Variants in CLN6 observed in about 807,000 individuals in gnomAD.
The protein encoded by CLN6 is ceroid-lipofuscinosis neuronal protein 6.
A neutral mutation model predicts 33.3 loss-of-function variants in CLN6; 22 were observed. That is an observed-to-expected ratio of 0.66 (90% CI 0.47 to 0.94). The LOEUF (loss-of-function observed/expected upper bound fraction) is 0.94. Among genes scored for constraint, CLN6 ranks in the 40% least tolerant of loss-of-function variants. CLN6 has a pLI of 0.00. For missense variants in CLN6, 387 were observed against 417.1 expected (o/e 0.93, Z 0.63); for synonymous variants, 201 against 174.6 (o/e 1.15, Z -1.19).
chr15:68,229,809 T>G (rs1229793022), upstream of CLN6: 32 of 171,568 alleles, frequency 1.9e-4, 1 homozygote, highest in South Asian at 3.7e-3. Flanking sequence ...CGGGGCGGGC[T>G]CCGCTAGGGG....
Position 68,220,215 on chromosome 15 carries a change from C to T in CLN6, c.84-1565G>A, listed in dbSNP as rs923916124. ...GCTAAGTCTTCCTGTCCCCTCTACT[C>T]GGTATCTTCCACCCCCTCACTGAAC... On this transcript the variant is annotated intron_variant, in intron 1 of 6. Coordinates refer to ENST00000249806, the MANE Select transcript of CLN6 (RefSeq NM_017882.3). This position sits in a 1 kb window ranked among gnomAD's most constrained non-coding sequence, Gnocchi z 4.2. Among the ~76,000 whole-genome samples, 1 of 152,184 alleles carries T rather than the reference C, an allele frequency of 6.6e-6. No individual in the cohort carries two copies. Among genetic ancestry groups the T allele is most frequent in the Non-Finnish European group, 1.5e-5 (1 of 68,042 alleles).
intron 1 of CLN6, among the ~76,000 whole-genome samples, chr15:68,235,631 T>G (rs1892214058): frequency 8.7e-6 from 1 of 114,946 alleles, no homozygotes; most frequent in African/African-American, 3.3e-5. Context: ...TATATATATA[T>G]ATCGATTAAT....
At chr15:68,254,308 G>GT (rs1892410407) in intron 1 of CLN6, among the ~76,000 whole-genome samples, 1 of 152,176 alleles carries the variant, frequency 6.6e-6, no homozygotes, top group Non-Finnish European at 1.5e-5. Context: ...GCATGAGCAG[G>GT]TAATGTTCTC....
upstream of CLN6, among the ~76,000 whole-genome samples, chr15:68,232,579 C>T (rs956007716): frequency 3.3e-5 from 5 of 152,226 alleles, no homozygotes; most frequent in East Asian, 1.9e-4. This position sits in a 1 kb window ranked among gnomAD's most constrained non-coding sequence, Gnocchi z 4.7. Flanking sequence ...AAGTCAACTG[C>T]ACCTCCTCTC....
Position 68,229,646 on chromosome 15 carries a change from C to T in CLN6, c.-62G>A, listed in dbSNP as rs957429372. 5 of 1,319,426 alleles carry T rather than the reference C, an allele frequency of 3.8e-6. No homozygotes were observed. The African/African-American group carries it at 7.7e-5, about 20-fold the overall frequency. 81.7% of individuals were successfully genotyped at this position (1,319,426 alleles called of 1,614,324 possible). A position where few individuals can be genotyped will look rare whatever the true frequency, so the allele number is the denominator to read the frequency against. On this transcript the variant is annotated 5_prime_UTR_variant, in exon 1 of 7. Coordinates refer to ENST00000249806, the MANE Select transcript of CLN6 (RefSeq NM_017882.3). ...GGAAGAGACCGGTTCAGCTCGGCTGCCCCGGCGGAGGCCGCCGCAAATTCC... is the reference window on the plus strand; with the variant it reads ...GGAAGAGACCGGTTCAGCTCGGCTGTCCCGGCGGAGGCCGCCGCAAATTCC...
chr15:68,248,808 C>T (rs1050747679), intron 1 of CLN6, among the ~76,000 whole-genome samples: 5 of 152,094 alleles, frequency 3.3e-5, no homozygotes, highest in African/African-American at 1.2e-4. Context: ...AACGGGATTA[C>T]ATCAAGCTAA....
At chr15:68,223,468 G>C (rs916509393) in intron 1 of CLN6, among the ~76,000 whole-genome samples, 5 of 152,200 alleles carry the variant, frequency 3.3e-5, no homozygotes, top group Admixed American at 2.0e-4. Flanking sequence ...TCAAAAAGCA[G>C]AGAGTGATAA....
At position 68,210,860 on chromosome 15, in the gene CLN6, C is replaced by A. The variant is rs1043067723; in HGVS notation, c.542+403G>T. Among the ~76,000 whole-genome samples the A allele has an allele frequency of 2.6e-5, 4 of 152,168 alleles. No homozygotes were observed. Among genetic ancestry groups the A allele is most frequent in the African/African-American group, 9.7e-5 (4 of 41,444 alleles). Reference sequence around the variant, plus strand: ...GAGCAGGCCCGACACGGGTGGGGGTCCCTGGCTGTGCCCCCACCCCCTGCC... The same window carrying A: ...GAGCAGGCCCGACACGGGTGGGGGTACCTGGCTGTGCCCCCACCCCCTGCC... On this transcript the variant is annotated intron_variant, in intron 5 of 6. Coordinates refer to ENST00000249806, the MANE Select transcript of CLN6 (RefSeq NM_017882.3). The surrounding 1 kb of genome is among the most constrained non-coding windows in gnomAD (Gnocchi z 5.6).
At chr15:68,213,589 G>C (rs2093212205) in intron 3 of CLN6, 1 of 151,304 alleles carries the variant, frequency 6.6e-6, no homozygotes. Context: ...ATGTTGGCCA[G>C]GCTCCTGACC....
chr15:68,226,335 AAG>A (rs965591584), intron 1 of CLN6, among the ~76,000 whole-genome samples: 7 of 152,050 alleles, frequency 4.6e-5, no homozygotes, highest in Non-Finnish European at 8.8e-5. Context: ...AAAAAAAAAA[AAG>A]AGTCTGGACT....
chr15:68,214,852 G>A (rs1468768257), intron 2 of CLN6: 1 of 233,884 alleles, frequency 4.3e-6, no homozygotes, highest in Non-Finnish European at 8.6e-6. Flanking sequence ...TCGGGTTCTG[G>A]CGCTCCTGAG....
chr15:68,228,109 C>A lies in CLN6; in HGVS notation c.83+1393G>T, dbSNP rs1051674960. 6.6e-6 allele frequency among the ~76,000 whole-genome samples: 1 copy of A among 152,210 alleles called. No individual in the cohort carries two copies. Among genetic ancestry groups the A allele is most frequent in the Non-Finnish European group, 1.5e-5 (1 of 68,036 alleles). On this transcript the variant is annotated intron_variant, in intron 1 of 6. Transcript: ENST00000249806. This position sits in a 1 kb window ranked among gnomAD's most constrained non-coding sequence, Gnocchi z 4.4. Reference sequence around the variant, plus strand: ...CATCAGTAAAATAATACTTAACTCACAGGCCGAGGGAGACAGGTGAGCTAC... The same window carrying A: ...CATCAGTAAAATAATACTTAACTCAAAGGCCGAGGGAGACAGGTGAGCTAC...
chr15:68,229,751 G>C (rs1247931916), upstream of CLN6: 1 of 360,124 alleles, frequency 2.8e-6, no homozygotes, highest in Non-Finnish European at 4.5e-6. Context: ...ACCCGGGGCG[G>C]GGCGGAGCGG....
In CLN6 at chr15:68,246,983, CT is replaced by C. The variant is rs1048096513; in HGVS notation, c.179+9706del. On this transcript the variant is annotated intron_variant, in intron 1 of 6. Transcript: ENST00000538696. The surrounding 1 kb of genome is among the most constrained non-coding windows in gnomAD (Gnocchi z 4.5). ...CCAGCCTGGCCAACATATTAAAACCCTGTCTCTATTAAAAATACAAAAATTA... is the reference window on the plus strand; with the variant it reads ...CCAGCCTGGCCAACATATTAAAACCCGTCTCTATTAAAAATACAAAAATTA... Among the ~76,000 whole-genome samples, 26 of 152,154 alleles carry C rather than the reference CT, an allele frequency of 1.7e-4. No individual in the cohort carries two copies. The highest frequency in any genetic ancestry group is 5.8e-4 in the African/African-American group (24 of 41,456).
Position 68,207,979 on chromosome 15 carries a change from GACAC to G in CLN6, c.*157_*160del, listed in dbSNP as rs3837692. 299,595 of 630,806 alleles carry G rather than the reference GACAC, an allele frequency of 0.47. 63,598 individuals carry two copies. The highest frequency in any genetic ancestry group is 0.53 in the Non-Finnish European group (191,211 of 357,412). 39.1% of individuals were successfully genotyped at this position (630,806 alleles called of 1,614,324 possible). A position where few individuals can be genotyped will look rare whatever the true frequency, so the allele number is the denominator to read the frequency against. On this transcript the variant is annotated 3_prime_UTR_variant, in exon 7 of 7. Coordinates refer to ENST00000249806, the MANE Select transcript of CLN6 (RefSeq NM_017882.3). ...ATGCACTCTGCGCACACATATACAA[GACAC>G]ACACACACACACACACGAATCCACG...
rs2093230328 is a variant in CLN6, at chr15:68,219,744, C to CA, written c.84-1095dup. Among the ~76,000 whole-genome samples, 1 of 152,200 alleles carries CA rather than the reference C, an allele frequency of 6.6e-6. No individual in the cohort carries two copies. Among genetic ancestry groups the CA allele is most frequent in the Admixed American group, 6.5e-5 (1 of 15,286 alleles). On this transcript the variant is annotated intron_variant, in intron 1 of 6. Transcript: ENST00000249806. The surrounding 1 kb of genome is among the most constrained non-coding windows in gnomAD (Gnocchi z 4.2). ...TCTCCCAACTCACCCACCTCCCTAT[C>CA]AGAGTCCAAATCCTCTTTACAGAGT...
At chr15:68,243,958 G>A (rs1327597514) in intron 1 of CLN6, among the ~76,000 whole-genome samples, 5 of 150,786 alleles carry the variant, frequency 3.3e-5, no homozygotes, top group East Asian at 2.0e-4. Context: ...CCAGCTACTC[G>A]GGAGGCTGAG....
intron 1 of CLN6, among the ~76,000 whole-genome samples, chr15:68,221,442 G>C (rs1175047012): frequency 7.9e-5 from 12 of 151,990 alleles, no homozygotes; most frequent in Non-Finnish European, 2.9e-5. Flanking sequence ...GTGTTGACCA[G>C]GCTGGTCTCC....
rs1280419939 is a variant in CLN6 at position 68,246,477 on chromosome 15, A to C, written c.179+10213T>G. ...CTTACTCCTGAACAACCAATGGGTC[A>C]ATGAAGAAATTAAAAAGAAAATTTA... is the stretch of plus-strand genomic sequence containing the variant. On this transcript the variant is annotated intron_variant, in intron 1 of 6. Transcript: ENST00000538696. The surrounding 1 kb of genome is among the most constrained non-coding windows in gnomAD (Gnocchi z 4.5). Among the ~76,000 whole-genome samples the C allele has an allele frequency of 6.6e-6, 1 of 152,162 alleles. No homozygotes were observed. Among genetic ancestry groups the C allele is most frequent in the Non-Finnish European group, 1.5e-5 (1 of 68,046 alleles).
Sources: gnomAD v4.1 joint callset for allele counts (sites outside exome capture counted in the v4.1 genomes callset) on GRCh38, gnomAD v4.1.1 for gene constraint, Gnocchi (gnomAD v3.1) non-coding constraint, MANE v1.5 for transcripts, NCBI Gene and HGNC (gene_info 2026-07-23, HGNC 2026-07-21) for gene names.